Variants in LRP1B observed in about 807,000 individuals in gnomAD.
LRP1B encodes LDL receptor related protein 1B, also known as low-density lipoprotein receptor-related protein 1B.
Under a neutral mutation model 556.6 loss-of-function variants are expected in LRP1B, and 217 were observed. That is an observed-to-expected ratio of 0.39 (90% CI 0.35 to 0.44). The LOEUF is 0.44. LRP1B is among the 20% of genes least tolerant of loss of function. The pLI is 1.00. For missense variants in LRP1B, 5,053 were observed against 5,620.8 expected (o/e 0.90, Z 3.23); for synonymous variants, 2,047 against 1,865.8 (o/e 1.10, Z -2.50).
intron 3 of LRP1B, among the ~76,000 whole-genome samples, chr2:141,301,753 T>G (rs1686403824): frequency 6.6e-6 from 1 of 152,176 alleles, no homozygotes; most frequent in South Asian, 2.1e-4. Context: ...GATGCTTGAT[T>G]GTGTCAACAT....
At chr2:140,596,056 G>C (rs1682428234) in intron 43 of LRP1B, among the ~76,000 whole-genome samples, 1 of 152,094 alleles carries the variant, frequency 6.6e-6, no homozygotes, top group African/African-American at 2.4e-5. Flanking sequence ...ATCTAAACAT[G>C]AAAGTGAAAA....
At position 141,634,005 on chromosome 2, in the gene LRP1B, G is replaced by A. The variant is rs1414876303; in HGVS notation, c.206-153472C>T. 2.6e-5 allele frequency among the ~76,000 whole-genome samples: 4 copies of A among 151,550 alleles called. No individual in the cohort carries two copies. The East Asian group carries it at 5.8e-4, about 22-fold the overall frequency. The stretch of plus-strand genomic sequence containing the variant: ...AGGGCTTTGGCTAAAATCACTATAC[G>A]TGAGTAATTATTTCCCACACAGCAA... On this transcript the variant is annotated intron_variant, in intron 2 of 90. Transcript: ENST00000389484.
intron 23 of LRP1B, among the ~76,000 whole-genome samples, chr2:140,902,182 T>G (rs1421068536): frequency 6.6e-6 from 1 of 152,178 alleles, no homozygotes; most frequent in Non-Finnish European, 1.5e-5. Context: ...TTCAATTCTA[T>G]CCATAGACTT....
chr2:141,955,544 C>G (rs1701222162), intron 1 of LRP1B, among the ~76,000 whole-genome samples: 1 of 152,042 alleles, frequency 6.6e-6, no homozygotes, highest in African/African-American at 2.4e-5. Context: ...CACAACCCTA[C>G]GTTGAGTCCT....
At chr2:141,943,168 A>G (rs1021811798) in intron 1 of LRP1B, among the ~76,000 whole-genome samples, 1 of 152,156 alleles carries the variant, frequency 6.6e-6, no homozygotes, top group Non-Finnish European at 1.5e-5. Flanking sequence ...TTTGAATCCC[A>G]TTTTCTACCT....
intron 1 of LRP1B, among the ~76,000 whole-genome samples, chr2:141,868,984 T>C (rs1449328812): frequency 1.3e-5 from 2 of 152,144 alleles, no homozygotes; most frequent in African/African-American, 4.8e-5. Context: ...CAAGTCTTAA[T>C]TAGCAGTACC....
intron 71 of LRP1B, among the ~76,000 whole-genome samples, chr2:140,365,605 A>G (rs1457591689): frequency 6.6e-6 from 1 of 151,544 alleles, no homozygotes; most frequent in Admixed American, 6.6e-5. Flanking sequence ...TATCTCTGGG[A>G]CTCAATGTTT....
chr2:141,223,539 A>C (rs1683124653), intron 6 of LRP1B, among the ~76,000 whole-genome samples: 1 of 152,282 alleles, frequency 6.6e-6, no homozygotes. Context: ...CTATTTTAAA[A>C]TTCATATGAC....
chr2:140,428,709 A>G (rs1327698424), intron 66 of LRP1B, among the ~76,000 whole-genome samples: 3 of 151,966 alleles, frequency 2.0e-5, no homozygotes, highest in African/African-American at 7.3e-5. Context: ...CCTTTTAATC[A>G]ATATGGAGGC....
chr2:140,783,954 C>A (rs1388195058), intron 32 of LRP1B, among the ~76,000 whole-genome samples: 1 of 152,108 alleles, frequency 6.6e-6, no homozygotes, highest in Non-Finnish European at 1.5e-5. Flanking sequence ...GGGCTCCACC[C>A]CAGACTGTAT....
chr2:140,247,429 G>C (rs1681215101), intron 86 of LRP1B, among the ~76,000 whole-genome samples: 1 of 151,588 alleles, frequency 6.6e-6, no homozygotes, highest in Non-Finnish European at 1.5e-5. Flanking sequence ...ACATTTTATA[G>C]CGATATTGAA....
At chr2:140,760,557 T>C (rs1438048739) in intron 35 of LRP1B, among the ~76,000 whole-genome samples, 1 of 152,228 alleles carries the variant, frequency 6.6e-6, no homozygotes, top group African/African-American at 2.4e-5. Context: ...CTTGGCCTTA[T>C]ATTGCATGTT....
rs201884568 is a variant in LRP1B, at chr2:140,657,604, C to CAT, written c.6799+42644_6799+42645dup. On this transcript the variant is annotated intron_variant, in intron 41 of 90. Transcript: ENST00000389484. ...ATATATACATACATACATATATATA[C>CAT]ATATATATACATACATATATACATA... is the stretch of plus-strand genomic sequence containing the variant. 8.1e-5 allele frequency among the ~76,000 whole-genome samples: 11 copies of CAT among 136,438 alleles called. No homozygotes were observed. The East Asian group carries it at 1.0e-3, about 12-fold the overall frequency. 89.5% of individuals were successfully genotyped at this position (136,438 alleles called of 152,430 possible).
intron 66 of LRP1B, among the ~76,000 whole-genome samples, chr2:140,428,528 T>TG (rs1468271786): frequency 2.6e-5 from 4 of 152,290 alleles, no homozygotes; most frequent in African/African-American, 9.6e-5. Flanking sequence ...TCAACTCACC[T>TG]GGCAGCCACT....
At chr2:141,357,589 G>A (rs1204305427) in intron 3 of LRP1B, among the ~76,000 whole-genome samples, 1 of 151,964 alleles carries the variant, frequency 6.6e-6, no homozygotes. Context: ...GTTTTAACTG[G>A]GTATCCTCTT....
chr2:141,828,143 A>AT (rs147809477), intron 1 of LRP1B, among the ~76,000 whole-genome samples: 41,833 of 151,670 alleles, frequency 0.28, 5,891 homozygotes, highest in Admixed American at 0.33. Context: ...CATTATATGC[A>AT]TTTTTTTTGT....
intron 83 of LRP1B, among the ~76,000 whole-genome samples, chr2:140,310,525 G>T (rs1341839305): frequency 6.6e-6 from 1 of 151,158 alleles, no homozygotes; most frequent in Non-Finnish European, 1.5e-5. Context: ...AACCAAAAGA[G>T]CATGGTTCTG....
At chr2:141,174,809 G>A (rs1244251347) in intron 7 of LRP1B, among the ~76,000 whole-genome samples, 2 of 152,048 alleles carry the variant, frequency 1.3e-5, no homozygotes, top group Non-Finnish European at 2.9e-5. Flanking sequence ...AGGGCTCAGA[G>A]GAATACAGGA....
At chr2:140,562,877 A>G (rs1476537052) in intron 43 of LRP1B, among the ~76,000 whole-genome samples, 2 of 152,054 alleles carry the variant, frequency 1.3e-5, no homozygotes, top group Non-Finnish European at 2.9e-5. Context: ...CAGCGTCCCA[A>G]AGTGCTAGGA....
Sources: allele counts gnomAD v4.1 joint callset (sites outside exome capture counted in the v4.1 genomes callset), GRCh38; gene constraint gnomAD v4.1.1; transcripts MANE v1.5; gene names NCBI Gene and HGNC (gene_info 2026-07-23, HGNC 2026-07-21).